The following PPP1CC variants were observed in gnomAD, a reference collection of about 807,000 sequenced individuals.
PPP1CC encodes the protein protein phosphatase 1 catalytic subunit gamma.
Under a neutral mutation model 38.4 loss-of-function variants are expected in PPP1CC, and 16 were observed. The ratio of observed to expected loss-of-function variants is 0.42; its 90% CI spans 0.28 to 0.63. The LOEUF is 0.63. Ranked by LOEUF, PPP1CC falls within the 30% of genes least tolerant of loss-of-function variation. The pLI is 0.25. For missense variants in PPP1CC, 170 were observed against 391.3 expected (o/e 0.43, Z 4.77); for synonymous variants, 158 against 136.0 (o/e 1.16, Z -1.13).
At chr12:110,729,854 T>C (rs1375639989) in intron 3 of PPP1CC, among the ~76,000 whole-genome samples, 5 of 152,240 alleles carry the variant, frequency 3.3e-5, no homozygotes, top group Non-Finnish European at 7.3e-5. Context: ...AGAATAATTT[T>C]ATGGAATGAA....
intron 6 of PPP1CC, chr12:110,721,810 T>C: frequency 2.6e-6 from 1 of 386,972 alleles, no homozygotes; most frequent in Non-Finnish European, 4.6e-6. Flanking sequence ...CTCAGTACTT[T>C]TCACATTCAA....
At chr12:110,711,530 C>A in the PPP1CC span, among the ~76,000 whole-genome samples, 3 of 152,064 alleles carry the variant, frequency 2.0e-5, no homozygotes, top group Non-Finnish European at 4.4e-5. Context: ...TGGGGAGGTA[C>A]GCACACGGGC....
At chr12:110,716,449 T>C (rs762897696), downstream of PPP1CC, among the ~76,000 whole-genome samples, 5 of 151,802 alleles carry the variant, frequency 3.3e-5, no homozygotes, top group Non-Finnish European at 5.9e-5. Flanking sequence ...GCTTCCCAGG[T>C]TCAAGCGATT....
At chr12:110,730,235 T>A (rs924811590) in intron 3 of PPP1CC, among the ~76,000 whole-genome samples, 2 of 152,214 alleles carry the variant, frequency 1.3e-5, no homozygotes, top group Admixed American at 1.3e-4. Flanking sequence ...GATGCATGTC[T>A]GCAGTCCTAG....
chr12:110,715,650 T>C (rs542286061), downstream of PPP1CC, among the ~76,000 whole-genome samples: 6 of 151,838 alleles, frequency 4.0e-5, no homozygotes, highest in Non-Finnish European at 8.8e-5. Flanking sequence ...GACGGAGTTT[T>C]GCTCGTTGCC....
chr12:110,740,326 C>G (rs2070002518), intron 1 of PPP1CC, among the ~76,000 whole-genome samples: 1 of 152,106 alleles, frequency 6.6e-6, no homozygotes, highest in Admixed American at 6.5e-5. Context: ...TGGCTCATGA[C>G]TATAACCCCA....
chr12:110,722,703 ATG>A lies in PPP1CC; in HGVS notation c.524-10_524-9del, dbSNP rs1248659248. The A allele has an allele frequency of 6.3e-7, 1 of 1,581,052 alleles. No homozygotes were observed. The highest frequency in any genetic ancestry group is 8.6e-7 in the Non-Finnish European group (1 of 1,166,228). On this transcript the variant is annotated splice_polypyrimidine_tract_variant and intron_variant, in intron 4 of 6. Coordinates refer to ENST00000335007, the MANE Select transcript of PPP1CC (RefSeq NM_002710.4). This position sits in a 1 kb window ranked among gnomAD's most constrained non-coding sequence, Gnocchi z 5.4. ...GAAGATCTGGTGATAAACCTATTCA[ATG>A]AGGAAAAAAAAAAAATGAAGAAAGC...
intron 6 of PPP1CC, 55 bp from the exon 7 acceptor site, chr12:110,721,220 G>A: frequency 6.8e-7 from 1 of 1,470,468 alleles, no homozygotes; most frequent in Non-Finnish European, 9.5e-7. Flanking sequence ...CAAATCTTAA[G>A]AGTCCTTAAA....
rs930367160 is a variant in PPP1CC, at chr12:110,730,775, T to C, written c.188-16A>G. 2 of 1,553,714 alleles carry C rather than the reference T, an allele frequency of 1.3e-6. No individual in the cohort carries two copies. Among genetic ancestry groups the C allele is most frequent in the Non-Finnish European group, 1.8e-6 (2 of 1,136,056 alleles). The stretch of plus-strand genomic sequence containing the variant: ...TGGATGTCACCTGGAAGCAAGAATT[T>C]TGTTACACAGTGTTCCCATACTTAA... On this transcript the variant is annotated splice_polypyrimidine_tract_variant and intron_variant, in intron 2 of 6. Coordinates refer to ENST00000335007, the MANE Select transcript of PPP1CC (RefSeq NM_002710.4).
intron 1 of PPP1CC, among the ~76,000 whole-genome samples, chr12:110,734,429 C>T (rs1293158830): frequency 6.6e-6 from 1 of 152,138 alleles, no homozygotes; most frequent in East Asian, 1.9e-4. Context: ...CTGCAACCTC[C>T]GTCTCCCGGG....
intron 6 of PPP1CC, chr12:110,721,790 G>A (rs923410186): frequency 1.0e-4 from 35 of 339,180 alleles, no homozygotes; most frequent in Admixed American, 3.5e-4. Flanking sequence ...TAAACACATA[G>A]CACAAGGCAC....
chr12:110,737,264 G>A (rs569467481), intron 1 of PPP1CC, among the ~76,000 whole-genome samples: 2 of 152,024 alleles, frequency 1.3e-5, no homozygotes, highest in Admixed American at 1.3e-4. Flanking sequence ...GATCAGCTGA[G>A]GTCAGGAGTT....
At chr12:110,708,618 G>A in the PPP1CC span, among the ~76,000 whole-genome samples, 2 of 152,038 alleles carry the variant, frequency 1.3e-5, no homozygotes, top group Non-Finnish European at 2.9e-5. Context: ...GGAGGCCAAG[G>A]TAGGCAGATT....
chr12:110,731,754 T>G lies in PPP1CC; in HGVS notation c.187+16A>C, dbSNP rs2069874244. 6.3e-7 allele frequency: 1 copy of G among 1,598,674 alleles called. No individual in the cohort carries two copies. The highest frequency in any genetic ancestry group is 1.7e-5 in the Admixed American group (1 of 59,390). The stretch of plus-strand genomic sequence containing the variant: ...CAATCATGTAACAAAAGATAACCTG[T>G]GTGCCCCAAACTTACCACATATTTT... On this transcript the variant is annotated intron_variant, in intron 2 of 6. Coordinates refer to ENST00000335007, the MANE Select transcript of PPP1CC (RefSeq NM_002710.4).
At chr12:110,712,831 T>G in the PPP1CC span, among the ~76,000 whole-genome samples, 17 of 149,928 alleles carry the variant, frequency 1.1e-4, no homozygotes, top group East Asian at 3.2e-3. Context: ...CAGCACTTTG[T>G]GAGGGCAAGG....
chr12:110,739,350 G>C (rs1196223252), intron 1 of PPP1CC, among the ~76,000 whole-genome samples: 1 of 151,548 alleles, frequency 6.6e-6, no homozygotes, highest in East Asian at 1.9e-4. Flanking sequence ...TGTTCATTAG[G>C]AAAGATTACT....
chr12:110,725,324 C>T (rs1250184494), intron 3 of PPP1CC: 2 of 152,334 alleles, frequency 1.3e-5, no homozygotes, highest in Non-Finnish European at 2.9e-5. Context: ...ACACATGTGG[C>T]GTTATGACCT....
At position 110,722,005 on chromosome 12, in the gene PPP1CC, C is replaced by T. The variant is rs987443301; in HGVS notation, c.882+130G>A. On this transcript the variant is annotated intron_variant, in intron 6 of 6. Coordinates refer to ENST00000335007, the MANE Select transcript of PPP1CC (RefSeq NM_002710.4). This position sits in a 1 kb window ranked among gnomAD's most constrained non-coding sequence, Gnocchi z 5.4. ...ACACATTATTCAACTATAATACACA[C>T]TGGTTAAGGGAAAATAAAAACTTAG... 12 of 1,083,912 alleles carry T rather than the reference C, an allele frequency of 1.1e-5. No individual in the cohort carries two copies. Among genetic ancestry groups the T allele is most frequent in the Non-Finnish European group, 1.6e-5 (12 of 769,586 alleles). 67.1% of individuals were successfully genotyped at this position (1,083,912 alleles called of 1,614,324 possible).
At chr12:110,737,013 T>C (rs2069950839) in intron 1 of PPP1CC, among the ~76,000 whole-genome samples, 1 of 152,234 alleles carries the variant, frequency 6.6e-6, no homozygotes, top group Non-Finnish European at 1.5e-5. Flanking sequence ...ATTTTAACAA[T>C]ATGCCACATC....
Sources: allele counts gnomAD v4.1 joint callset (sites outside exome capture counted in the v4.1 genomes callset), GRCh38; gene constraint gnomAD v4.1.1; non-coding constraint Gnocchi (gnomAD v3.1); transcripts MANE v1.5; gene names NCBI Gene and HGNC (gene_info 2026-07-23, HGNC 2026-07-21).